ULK4: variants seen among roughly 807,000 people sequenced by gnomAD.
The protein encoded by ULK4 is inactive serine/threonine-protein kinase ULK4.
In ULK4, 133 loss-of-function variants were observed where a neutral mutation model predicts 160.6. The observed-to-expected ratio is 0.83, with a 90% CI of 0.72 to 0.96. The LOEUF is 0.96. Ranked by LOEUF, ULK4 falls within the 40% of genes least tolerant of loss-of-function variation. The pLI is 0.00. For synonymous variants in ULK4, 534 were observed against 539.8 expected (o/e 0.99, Z 0.15); for missense variants, 1,580 against 1,499.5 (o/e 1.05, Z -0.89).
chr3:41,596,071 G>A (rs1323558995), intron 31 of ULK4, among the ~76,000 whole-genome samples: 1 of 152,192 alleles, frequency 6.6e-6, no homozygotes, highest in Non-Finnish European at 1.5e-5. Flanking sequence ...GGCTTTGATA[G>A]AAGCAGGGAT....
rs1319675420 is a variant in ULK4 at position 41,626,350 on chromosome 3, AT to A, written c.3072-10634del. 2.0e-5 allele frequency among the ~76,000 whole-genome samples: 3 copies of A among 152,322 alleles called. No homozygotes were observed. In the East Asian group the frequency reaches 5.8e-4, roughly 29 times the overall value. On this transcript the variant is annotated intron_variant, in intron 30 of 36. Coordinates refer to ENST00000301831, the MANE Select transcript of ULK4 (RefSeq NM_017886.4). ...TTTAAATGTCATGTATTTAAGTACT[AT>A]TTAAATAAACTATGTATTTAAATTA...
chr3:41,299,715 C>T (rs560488696), intron 35 of ULK4, among the ~76,000 whole-genome samples: 8 of 152,290 alleles, frequency 5.3e-5, no homozygotes, highest in South Asian at 4.1e-4. Flanking sequence ...CCAGTGAGCA[C>T]ACTATTTTTG....
At chr3:41,572,971 C>T (rs1369396662) in intron 31 of ULK4, among the ~76,000 whole-genome samples, 2 of 152,054 alleles carry the variant, frequency 1.3e-5, no homozygotes. Flanking sequence ...CATTGAGAGC[C>T]CACAAAAGGC....
intron 29 of ULK4, among the ~76,000 whole-genome samples, chr3:41,680,631 T>G (rs1213612135): frequency 6.6e-6 from 1 of 152,184 alleles, no homozygotes; most frequent in Non-Finnish European, 1.5e-5. Context: ...TTACATCTGA[T>G]TTCTTTACTA....
chr3:41,433,066 A>G (rs1175389888), intron 34 of ULK4, among the ~76,000 whole-genome samples: 1 of 152,218 alleles, frequency 6.6e-6, no homozygotes, highest in Non-Finnish European at 1.5e-5. Flanking sequence ...TAAAAATGCA[A>G]GGAGAAACTA....
chr3:41,896,998 T>C lies in ULK4; in HGVS notation c.1354A>G (p.Lys452Glu). 1.2e-6 allele frequency: 2 copies of C among 1,609,610 alleles called. No individual in the cohort carries two copies. The highest frequency in any genetic ancestry group is 1.7e-6 in the Non-Finnish European group (2 of 1,177,912). ...ILHLPTYSVD[K>E]LLFLKDQDWN... ...TCTTGATCTTTCAGAAATAATAACT[T>C]ATCCACTGCGATGGAAAGAAAATAA... The change falls in exon 15 of 37, where the codon AAG becomes GAG. Residue 452 changes from lysine to glutamate, a missense_variant. Lys to Glu is a moderately conservative substitution (Grantham distance 56). Transcript: ENST00000301831.
chr3:41,757,626 T>A (rs1396412954), intron 21 of ULK4, among the ~76,000 whole-genome samples: 2 of 105,956 alleles, frequency 1.9e-5, no homozygotes, highest in East Asian at 2.7e-4. Flanking sequence ...AGCGAGACTC[T>A]CTCAAAAAAA....
chr3:41,758,291 T>A (rs2038872636), intron 21 of ULK4, among the ~76,000 whole-genome samples: 1 of 151,990 alleles, frequency 6.6e-6, no homozygotes, highest in South Asian at 2.1e-4. Context: ...AGCCCAAACA[T>A]ACTAAGATAC....
chr3:41,668,147 G>T (rs1388736316), intron 29 of ULK4, among the ~76,000 whole-genome samples: 1 of 152,180 alleles, frequency 6.6e-6, no homozygotes, highest in African/African-American at 2.4e-5. Flanking sequence ...CAGGGATTAA[G>T]TCAGAGACTC....
intron 31 of ULK4, among the ~76,000 whole-genome samples, chr3:41,588,226 T>C (rs2030979878): frequency 6.6e-6 from 1 of 152,156 alleles, no homozygotes; most frequent in African/African-American, 2.4e-5. Context: ...ATACATAGAT[T>C]ATCTGACTGA....
intron 32 of ULK4, among the ~76,000 whole-genome samples, chr3:41,508,805 AC>A (rs942465369): frequency 6.6e-6 from 1 of 152,158 alleles, no homozygotes; most frequent in Non-Finnish European, 1.5e-5. Context: ...ACCCTGTGGG[AC>A]AAAAGAATCT....
chr3:41,867,216 G>A (rs1211893707), intron 17 of ULK4, among the ~76,000 whole-genome samples: 2 of 152,108 alleles, frequency 1.3e-5, no homozygotes, highest in Non-Finnish European at 2.9e-5. Flanking sequence ...TTCTTAAACT[G>A]GAACTTAAAA....
chr3:41,679,771 G>A lies in ULK4; in HGVS notation c.2978+1737C>T, dbSNP rs528664491. Among the ~76,000 whole-genome samples, 6 of 152,352 alleles carry A rather than the reference G, an allele frequency of 3.9e-5. No individual in the cohort carries two copies. In the South Asian group the frequency reaches 1.0e-3, roughly 26 times the overall value. On this transcript the variant is annotated intron_variant, in intron 29 of 36. Coordinates refer to ENST00000301831, the MANE Select transcript of ULK4 (RefSeq NM_017886.4). ...AGCTATTACTAAACTGTGAAGTCCTGTTGGAGTAAATCTGATCCCTACTGT... is the reference window on the plus strand; with the variant it reads ...AGCTATTACTAAACTGTGAAGTCCTATTGGAGTAAATCTGATCCCTACTGT...
intron 32 of ULK4, among the ~76,000 whole-genome samples, chr3:41,470,241 C>T (rs1410351022): frequency 6.6e-6 from 1 of 152,070 alleles, no homozygotes; most frequent in Non-Finnish European, 1.5e-5. Flanking sequence ...ACAAGAAACA[C>T]ATTACATCCA....
At chr3:41,255,640 A>G (rs1241788302) in intron 35 of ULK4, among the ~76,000 whole-genome samples, 1 of 74,596 alleles carries the variant, frequency 1.3e-5, no homozygotes, top group African/African-American at 2.9e-5. Flanking sequence ...GGGACATTTC[A>G]TATTTATAAG....
chr3:41,590,731 G>A (rs2031235417), intron 31 of ULK4, among the ~76,000 whole-genome samples: 1 of 151,180 alleles, frequency 6.6e-6, no homozygotes, highest in African/African-American at 2.4e-5. Context: ...AAAAAGGCCA[G>A]TGAACTTGAA....
intron 22 of ULK4, among the ~76,000 whole-genome samples, chr3:41,738,621 T>C (rs937454286): frequency 2.6e-5 from 4 of 151,716 alleles, no homozygotes; most frequent in Non-Finnish European, 5.9e-5. Context: ...TCCAGAAAAA[T>C]TCAGGGGGCT....
Position 41,479,221 on chromosome 3 carries a change from C to A in ULK4, c.3227-15968G>T, listed in dbSNP as rs79911324. On this transcript the variant is annotated intron_variant, in intron 32 of 36. Coordinates refer to ENST00000301831, the MANE Select transcript of ULK4 (RefSeq NM_017886.4). ...ATCTTCAGCCCTTCTCCTTTTTCCTCCCCTGTCATCTACTTCTGAGATGGT... is the reference window on the plus strand; with the variant it reads ...ATCTTCAGCCCTTCTCCTTTTTCCTACCCTGTCATCTACTTCTGAGATGGT... 9.4e-3 allele frequency among the ~76,000 whole-genome samples: 1,426 copies of A among 152,316 alleles called. 26 individuals carry two copies. The highest frequency in any genetic ancestry group is 0.032 in the African/African-American group (1,326 of 41,564).
chr3:41,640,868 A>T (rs1163082316), intron 30 of ULK4, among the ~76,000 whole-genome samples: 1 of 152,204 alleles, frequency 6.6e-6, no homozygotes, highest in Non-Finnish European at 1.5e-5. Context: ...GAAGATGTCA[A>T]TTCACTGGAG....
Sources: allele counts gnomAD v4.1 joint callset (sites outside exome capture counted in the v4.1 genomes callset), GRCh38; gene constraint gnomAD v4.1.1; transcripts MANE v1.5; gene names NCBI Gene and HGNC (gene_info 2026-07-23, HGNC 2026-07-21).